SHC4: variants seen among roughly 807,000 people sequenced by gnomAD.
SHC4 encodes the protein SHC-transforming protein 4.
In SHC4, 41 loss-of-function variants were observed where a neutral mutation model predicts 69.4. The observed-to-expected ratio is 0.59, with a 90% CI of 0.46 to 0.77. The LOEUF (loss-of-function observed/expected upper bound fraction) is 0.77. SHC4 is among the 30% of genes least tolerant of loss of function. The pLI is 0.00. For missense variants in SHC4, 777 were observed against 783.8 expected (o/e 0.99, Z 0.10); for synonymous variants, 318 against 299.3 (o/e 1.06, Z -0.64).
chr15:48,859,846 G>T (rs1899406699), intron 6 of SHC4, among the ~76,000 whole-genome samples: 1 of 152,186 alleles, frequency 6.6e-6, no homozygotes. Flanking sequence ...CCTTGGAGAT[G>T]TATCCTCCAG....
intron 8 of SHC4, among the ~76,000 whole-genome samples, chr15:48,853,772 A>G (rs1567053197): frequency 6.6e-6 from 1 of 152,236 alleles, no homozygotes; most frequent in Non-Finnish European, 1.5e-5. Context: ...GTGCTGGGAT[A>G]GCTGGCTAGG....
intron 2 of SHC4, among the ~76,000 whole-genome samples, chr15:48,924,013 G>A (rs1900800260): frequency 6.6e-6 from 1 of 151,978 alleles, no homozygotes. Context: ...TACATTTTTT[G>A]ACCACAGGAT....
intron 7 of SHC4, among the ~76,000 whole-genome samples, chr15:48,856,477 A>T (rs1275246434): frequency 6.6e-6 from 1 of 152,202 alleles, no homozygotes; most frequent in African/African-American, 2.4e-5. Flanking sequence ...TCTCCAGCAC[A>T]CTTTGATTGT....
At chr15:48,844,690 G>A (rs1352159383) in intron 9 of SHC4, among the ~76,000 whole-genome samples, 1 of 152,188 alleles carries the variant, frequency 6.6e-6, no homozygotes, top group Non-Finnish European at 1.5e-5. Context: ...TGTGTCAAGG[G>A]CAGGGCCAGG....
intron 1 of SHC4, among the ~76,000 whole-genome samples, chr15:48,956,053 A>G (rs1357431537): frequency 6.6e-6 from 1 of 152,198 alleles, no homozygotes; most frequent in African/African-American, 2.4e-5. Flanking sequence ...AGGTCTAGAG[A>G]GAAGAACAGG....
intron 2 of SHC4, among the ~76,000 whole-genome samples, chr15:48,919,203 C>T (rs569834241): frequency 3.3e-5 from 5 of 151,506 alleles, no homozygotes; most frequent in South Asian, 2.1e-4. Context: ...CTCCAGTCAG[C>T]GTTTCCCTCT....
At chr15:48,862,221 G>A (rs1899461076) in intron 6 of SHC4, among the ~76,000 whole-genome samples, 1 of 150,784 alleles carries the variant, frequency 6.6e-6, no homozygotes. Flanking sequence ...ACTTTCTTCA[G>A]AGACCCAGAA....
chr15:48,894,987 T>A lies in SHC4; in HGVS notation c.657-4176A>T, dbSNP rs139609930. Among the ~76,000 whole-genome samples, 892 of 152,114 alleles carry A rather than the reference T, an allele frequency of 5.9e-3. 13 individuals carry two copies. Among genetic ancestry groups the A allele is most frequent in the African/African-American group, 0.021 (852 of 41,514 alleles). On this transcript the variant is annotated intron_variant, in intron 2 of 11. Coordinates refer to ENST00000332408, the MANE Select transcript of SHC4 (RefSeq NM_203349.4). ...TTTTCTTTTCCTTTTTTATTTTTTGTAGAGACAGGGTCTCCCTATGTTGCC... is the reference window on the plus strand; with the variant it reads ...TTTTCTTTTCCTTTTTTATTTTTTGAAGAGACAGGGTCTCCCTATGTTGCC...
intron 1 of SHC4, among the ~76,000 whole-genome samples, chr15:48,944,071 CT>C (rs2141035581): frequency 6.6e-6 from 1 of 152,032 alleles, no homozygotes; most frequent in Admixed American, 6.6e-5. Context: ...ATTTTTATGT[CT>C]TCTTCAGAAA....
In SHC4 at chr15:48,957,138, C is replaced by T. The variant is rs28564312; in HGVS notation, c.585+5293G>A. 2.8e-3 allele frequency among the ~76,000 whole-genome samples: 424 copies of T among 151,874 alleles called. 2 individuals carry two copies. Among genetic ancestry groups the T allele is most frequent in the African/African-American group, 0.01 (417 of 41,392 alleles). On this transcript the variant is annotated intron_variant, in intron 1 of 11. Transcript: ENST00000332408. ...GAGTACAGGTGCATGCAAACATGCC[C>T]GGCTAATTTGTGTATTTCTAGTAGA... is the stretch of plus-strand genomic sequence containing the variant.
Position 48,825,811 on chromosome 15 carries a change from A to T in SHC4, c.*160T>A. ...TCATTTCTGAAGACTAATTTTTGTT[A>T]GTTCTTCATTTTATAGAGGACCTGG... is the stretch of plus-strand genomic sequence containing the variant. On this transcript the variant is annotated 3_prime_UTR_variant, in exon 12 of 12. Coordinates refer to ENST00000332408, the MANE Select transcript of SHC4 (RefSeq NM_203349.4). The T allele has an allele frequency of 2.5e-6, 2 of 794,026 alleles. No individual in the cohort carries two copies. Among genetic ancestry groups the T allele is most frequent in the Non-Finnish European group, 3.8e-6 (2 of 529,574 alleles). 49.2% of individuals were successfully genotyped at this position (794,026 alleles called of 1,614,324 possible).
intron 1 of SHC4, among the ~76,000 whole-genome samples, chr15:48,933,476 T>C (rs1901009976): frequency 1.3e-5 from 2 of 152,118 alleles, no homozygotes; most frequent in Non-Finnish European, 2.9e-5. Flanking sequence ...GAAAACTTAA[T>C]AATGTTAAGA....
At chr15:48,842,224 C>T (rs1463365594) in intron 10 of SHC4, among the ~76,000 whole-genome samples, 2 of 151,416 alleles carry the variant, frequency 1.3e-5, no homozygotes, top group African/African-American at 2.4e-5. Flanking sequence ...TGTATTTTAC[C>T]CACAGTACAT....
chr15:48,851,326 TC>T, intron 8 of SHC4, 78 bp from the exon 9 acceptor site: 1 of 1,397,034 alleles, frequency 7.2e-7, no homozygotes, highest in Non-Finnish European at 1.0e-6. Flanking sequence ...TTTATAATAA[TC>T]CCAGAAGAAT....
At chr15:48,937,583 C>CAGAG (rs1901095561) in intron 1 of SHC4, among the ~76,000 whole-genome samples, 1 of 147,808 alleles carries the variant, frequency 6.8e-6, no homozygotes, top group South Asian at 2.2e-4. Context: ...CACACAGACA[C>CAGAG]ATAGATAGAT....
intron 5 of SHC4, among the ~76,000 whole-genome samples, chr15:48,868,852 A>C (rs1052199980): frequency 6.6e-6 from 1 of 152,240 alleles, no homozygotes; most frequent in Non-Finnish European, 1.5e-5. Context: ...AAAAGAAAAA[A>C]GGTTTTAAAT....
intron 2 of SHC4, among the ~76,000 whole-genome samples, chr15:48,915,471 TA>T (rs1383439825): frequency 6.6e-6 from 1 of 152,178 alleles, no homozygotes; most frequent in Non-Finnish European, 1.5e-5. Flanking sequence ...AACCTGAAAC[TA>T]AAAGAGGTGG....
intron 9 of SHC4, among the ~76,000 whole-genome samples, chr15:48,848,966 C>T (rs1338613243): frequency 6.6e-6 from 1 of 152,044 alleles, no homozygotes; most frequent in Non-Finnish European, 1.5e-5. Flanking sequence ...TAGACTTTCA[C>T]TCAGTGAGTT....
Position 48,907,814 on chromosome 15 carries a change from A to ATGTGTGTG in SHC4, c.657-17011_657-17004dup, listed in dbSNP as rs60841488. 1.5e-3 allele frequency among the ~76,000 whole-genome samples: 211 copies of ATGTGTGTG among 144,868 alleles called. 1 individual carries two copies. The highest frequency in any genetic ancestry group is 1.6e-3 in the African/African-American group (63 of 39,130). ...CGGTCATAAAAAGGAATGAATGAAT[A>ATGTGTGTG]TGTGTGTGTGTGTGTGTGTGTGTGT... On this transcript the variant is annotated intron_variant, in intron 2 of 11. Coordinates refer to ENST00000332408, the MANE Select transcript of SHC4 (RefSeq NM_203349.4).
Sources: allele counts gnomAD v4.1 joint callset (sites outside exome capture counted in the v4.1 genomes callset), GRCh38; gene constraint gnomAD v4.1.1; transcripts MANE v1.5; gene names NCBI Gene and HGNC (gene_info 2026-07-23, HGNC 2026-07-21).